Variants in MECOM observed in about 807,000 individuals in gnomAD.
The protein encoded by MECOM is histone-lysine N-methyltransferase MECOM.
In MECOM, 13 loss-of-function variants were observed where a neutral mutation model predicts 116.3. The ratio of observed to expected loss-of-function variants is 0.11; its 90% CI spans 0.07 to 0.18. The LOEUF (loss-of-function observed/expected upper bound fraction) is 0.18. Among genes scored for constraint, MECOM ranks in the 10% least tolerant of loss-of-function variants. The pLI is 1.00. For missense variants in MECOM, 1,299 were observed against 1,509.0 expected, an observed-to-expected ratio of 0.86 and a Z score of 2.31; for synonymous variants, 528 against 535.2, an observed-to-expected ratio of 0.99 and a Z score of 0.19.
chr3:169,584,358 G>T (rs556426871), intron 1 of MECOM, among the ~76,000 whole-genome samples: 1 of 151,436 alleles, frequency 6.6e-6, no homozygotes, highest in Non-Finnish European at 1.5e-5. Flanking sequence ...GAGGTCTGGA[G>T]ATAGAGACCA....
chr3:169,512,367 C>T (rs77350963), intron 1 of MECOM, among the ~76,000 whole-genome samples: 2 of 152,310 alleles, frequency 1.3e-5, no homozygotes, highest in African/African-American at 4.8e-5. Context: ...CTGAATTGTT[C>T]AGACTTAGCC....
At chr3:169,165,666 C>T (rs188026652) in intron 2 of MECOM, among the ~76,000 whole-genome samples, 1 of 152,132 alleles carries the variant, frequency 6.6e-6, no homozygotes, top group African/African-American at 2.4e-5. Flanking sequence ...GCTAACAAAA[C>T]TGTATGCTAG....
At chr3:169,268,777 G>A (rs1758597178) in intron 2 of MECOM, among the ~76,000 whole-genome samples, 1 of 152,164 alleles carries the variant, frequency 6.6e-6, no homozygotes, top group African/African-American at 2.4e-5. Context: ...TAGCCAAGCA[G>A]CTGTATTTCC....
At chr3:169,552,099 A>C (rs1211363051) in intron 1 of MECOM, among the ~76,000 whole-genome samples, 1 of 150,442 alleles carries the variant, frequency 6.6e-6, no homozygotes, top group East Asian at 2.0e-4. Context: ...ATGTTCTGGA[A>C]TCAGACAGTG....
chr3:169,116,448 T>G lies in MECOM; in HGVS notation c.1424A>C (p.His475Pro). Residue 475 changes from histidine (H) to proline (P), a missense_variant, in exon 8 of 17, where the codon CAT becomes CCT. By Grantham distance (77) the His-to-Pro change is moderately conservative. Coordinates refer to ENST00000651503, the MANE Select transcript of MECOM (RefSeq NM_004991.4). The stretch of plus-strand genomic sequence containing the variant: ...TGTTGGAAAGGTAAGACCAGCAGGA[T>G]GCCTATTGGCGCCAAAATAGTCAGC... ...GLADYFGANR[H>P]PAGLTFPTAP... 6.2e-7 allele frequency: 1 copy of G among 1,614,162 alleles called. No homozygotes were observed. The highest frequency in any genetic ancestry group is 8.5e-7 in the Non-Finnish European group (1 of 1,180,042).
At position 169,084,670 on chromosome 3, in the gene MECOM, T is replaced by C. The variant is rs765053468; in HGVS notation, c.*239A>G. 6.7e-6 allele frequency: 3 copies of C among 445,202 alleles called. No individual in the cohort carries two copies. Among genetic ancestry groups the C allele is most frequent in the South Asian group, 4.1e-5 (1 of 24,416 alleles). 27.6% of individuals were successfully genotyped at this position (445,202 alleles called of 1,614,324 possible). On this transcript the variant is annotated 3_prime_UTR_variant, in exon 17 of 17. Transcript: ENST00000651503. Reference sequence around the variant, plus strand: ...TTTCACTGAATCACTTTAAGTCGCATTGATTGATCTTCCAGAAGTCAGCAG... The same window carrying C: ...TTTCACTGAATCACTTTAAGTCGCACTGATTGATCTTCCAGAAGTCAGCAG...
intron 1 of MECOM, among the ~76,000 whole-genome samples, chr3:169,523,845 G>A (rs1330890466): frequency 6.8e-6 from 1 of 147,680 alleles, no homozygotes; most frequent in Non-Finnish European, 1.5e-5. Flanking sequence ...GCATATACAG[G>A]TATGTACGTG....
intron 2 of MECOM, among the ~76,000 whole-genome samples, chr3:169,380,426 C>T (rs1259984204): frequency 1.3e-5 from 2 of 152,112 alleles, no homozygotes; most frequent in Non-Finnish European, 2.9e-5. Flanking sequence ...ATAAAACTTA[C>T]ACTCAGAAGA....
intron 1 of MECOM, among the ~76,000 whole-genome samples, chr3:169,486,006 CTATAT>C (rs1752294221): frequency 9.2e-6 from 1 of 108,562 alleles, no homozygotes; most frequent in African/African-American, 4.0e-5. Flanking sequence ...TATATATATA[CTATAT>C]ATATATGTAT....
chr3:169,116,360 A>T lies in MECOM; in HGVS notation c.1512T>A (p.Pro504=). 2 of 1,614,246 alleles carry T rather than the reference A, an allele frequency of 1.2e-6. No homozygotes were observed. Residue 504 remains proline, a synonymous_variant, in exon 8 of 17, where the codon CCT becomes CCA. Coordinates refer to ENST00000651503, the MANE Select transcript of MECOM (RefSeq NM_004991.4). ...TAACAGGAGAACTAGCAGGTATCAA[A>T]GGAGGCCTGTGGTACAAGCCGGAAG... is the stretch of plus-strand genomic sequence containing the variant. ...LFPSGLYHRP[P]LIPASSPVKG... is the part of the protein sequence containing the mutation.
At chr3:169,145,165 C>T in intron 2 of MECOM, 1 of 490,380 alleles carries the variant, frequency 2.0e-6, no homozygotes. Flanking sequence ...CACACACACA[C>T]ACACACACAC....
At chr3:169,177,469 G>C (rs904450883) in intron 2 of MECOM, among the ~76,000 whole-genome samples, 4 of 152,168 alleles carry the variant, frequency 2.6e-5, no homozygotes, top group African/African-American at 9.6e-5. Context: ...GGCCTGTTTG[G>C]GGGTGGAGGG....
chr3:169,534,615 A>T (rs150127189), intron 1 of MECOM, among the ~76,000 whole-genome samples: 83 of 152,320 alleles, frequency 5.4e-4, no homozygotes, highest in African/African-American at 1.9e-3. Context: ...CTGCATTTCC[A>T]GTTTTTCCTG....
chr3:169,471,451 A>G (rs564327466), intron 1 of MECOM, among the ~76,000 whole-genome samples: 3 of 152,146 alleles, frequency 2.0e-5, no homozygotes, highest in Non-Finnish European at 4.4e-5. Context: ...TATTTAAATG[A>G]AAGCAGATTT....
intron 1 of MECOM, among the ~76,000 whole-genome samples, chr3:169,511,268 C>A (rs941562149): frequency 1.3e-5 from 2 of 152,120 alleles, no homozygotes; most frequent in African/African-American, 4.8e-5. Context: ...ACAACCCATT[C>A]TTTTCTTTAG....
At chr3:169,658,123 C>T (rs1266190799) in intron 1 of MECOM, among the ~76,000 whole-genome samples, 1 of 152,146 alleles carries the variant, frequency 6.6e-6, no homozygotes, top group African/African-American at 2.4e-5. Context: ...GAAAGAAGAC[C>T]GTGGCTAGTG....
intron 2 of MECOM, among the ~76,000 whole-genome samples, chr3:169,284,059 C>G (rs141602754): frequency 2.6e-5 from 4 of 152,350 alleles, no homozygotes; most frequent in African/African-American, 9.6e-5. Flanking sequence ...CGAAATAGTT[C>G]CTTCAGGTGC....
chr3:169,424,719 C>G (rs901414953), intron 1 of MECOM, among the ~76,000 whole-genome samples: 10 of 152,256 alleles, frequency 6.6e-5, no homozygotes, highest in Admixed American at 5.2e-4. Flanking sequence ...AGTGAGGAAA[C>G]AGACATTGTA....
chr3:169,096,660 C>T (rs1721599283), intron 12 of MECOM, among the ~76,000 whole-genome samples: 1 of 152,174 alleles, frequency 6.6e-6, no homozygotes, highest in Non-Finnish European at 1.5e-5. Flanking sequence ...TCTCCTCCCA[C>T]TTCTGAATGC....
Sources: allele counts gnomAD v4.1 joint callset (sites outside exome capture counted in the v4.1 genomes callset), GRCh38; gene constraint gnomAD v4.1.1; transcripts MANE v1.5; gene names NCBI Gene and HGNC (gene_info 2026-07-23, HGNC 2026-07-21).